SVOPL: variants seen among roughly 807,000 people sequenced by gnomAD.
The protein encoded by SVOPL is SVOP like.
SVOPL carries 60 observed loss-of-function variants against 61.0 expected under a neutral mutation model. That is an observed-to-expected ratio of 0.98 (90% confidence interval 0.80 to 1.22). The LOEUF is 1.22. Ranked by LOEUF, SVOPL falls within the 50% of genes most tolerant of loss-of-function variation. The pLI is 0.00. For synonymous variants in SVOPL, 279 were observed against 250.0 expected (o/e 1.12, Z -1.09); for missense variants, 662 against 643.9 (o/e 1.03, Z -0.30).
At chr7:138,687,777 C>T (rs1802853242) in intron 1 of SVOPL, among the ~76,000 whole-genome samples, 1 of 149,298 alleles carries the variant, frequency 6.7e-6, no homozygotes, top group Non-Finnish European at 1.5e-5. Flanking sequence ...ATAAAGAACT[C>T]TTACAACTCG....
At chr7:138,619,348 G>A (rs1272428181) in intron 14 of SVOPL, among the ~76,000 whole-genome samples, 1 of 151,850 alleles carries the variant, frequency 6.6e-6, no homozygotes, top group Admixed American at 6.6e-5. Context: ...GATTGAGGCT[G>A]CAGTGAGCCA....
chr7:138,656,801 G>T (rs1801759564), intron 6 of SVOPL, among the ~76,000 whole-genome samples: 1 of 152,160 alleles, frequency 6.6e-6, no homozygotes, highest in Admixed American at 6.5e-5. Flanking sequence ...TCTGCACTTT[G>T]GGAGGCCAAG....
At chr7:138,598,827 T>C (rs1019039005) in intron 14 of SVOPL, among the ~76,000 whole-genome samples, 1 of 152,174 alleles carries the variant, frequency 6.6e-6, no homozygotes, top group Non-Finnish European at 1.5e-5. Context: ...AAGAAAATTA[T>C]AACTCTATTA....
chr7:138,641,158 T>C lies in SVOPL; in HGVS notation c.789+3559A>G, dbSNP rs116724194. Among the ~76,000 whole-genome samples, 283 of 150,556 alleles carry C rather than the reference T, an allele frequency of 1.9e-3. 1 individual carries two copies. Among genetic ancestry groups the C allele is most frequent in the African/African-American group, 6.4e-3 (261 of 40,934 alleles). On this transcript the variant is annotated intron_variant, in intron 9 of 15. Coordinates refer to ENST00000674285, the MANE Select transcript of SVOPL (RefSeq NM_001139456.2). ...AGGCTACAGTGAGCTATGACAGTAC[T>C]ACTGCACTCCAACCGAGGTGACAGA... is the stretch of plus-strand genomic sequence containing the variant.
At chr7:138,639,822 C>T (rs955391165) in intron 9 of SVOPL, among the ~76,000 whole-genome samples, 1 of 152,084 alleles carries the variant, frequency 6.6e-6, no homozygotes, top group Non-Finnish European at 1.5e-5. Flanking sequence ...CTCCATAGCT[C>T]ACTGTAGCCT....
chr7:138,686,095 G>C (rs1468709934), intron 1 of SVOPL, among the ~76,000 whole-genome samples: 1 of 151,898 alleles, frequency 6.6e-6, no homozygotes, highest in Non-Finnish European at 1.5e-5. Flanking sequence ...CTGTCCTTTT[G>C]CCAAAACATA....
chr7:138,656,377 C>T, intron 7 of SVOPL, 71 bp downstream of exon 7: 1 of 1,469,628 alleles, frequency 6.8e-7, no homozygotes. Flanking sequence ...GCAGTATTTC[C>T]AAGGTATGCC....
intron 1 of SVOPL, 130 bp from the exon 2 acceptor site, chr7:138,679,209 C>T (rs564507875): frequency 1.5e-5 from 9 of 605,838 alleles, no homozygotes; most frequent in Non-Finnish European, 2.3e-5. Flanking sequence ...GTATTTTTAT[C>T]CTCTTTTCAC....
chr7:138,700,822 T>C (rs1266823086), intron 1 of SVOPL, among the ~76,000 whole-genome samples: 1 of 152,184 alleles, frequency 6.6e-6, no homozygotes, highest in African/African-American at 2.4e-5. Context: ...AATGGGAAAG[T>C]AATCCATGAC....
At chr7:138,663,937 AG>A (rs1802129687) in intron 4 of SVOPL, among the ~76,000 whole-genome samples, 1 of 152,022 alleles carries the variant, frequency 6.6e-6, no homozygotes, top group Non-Finnish European at 1.5e-5. Context: ...CACTCTTTAG[AG>A]GGAAGACTGA....
Position 138,603,955 on chromosome 7 carries a change from CTTTTTTTT to C in SVOPL, c.1354-7433_1354-7426del, listed in dbSNP as rs560678707. 4.6e-5 allele frequency among the ~76,000 whole-genome samples: 5 copies of C among 109,252 alleles called. No individual in the cohort carries two copies. In the Admixed American group the frequency reaches 5.1e-4, roughly 11 times the overall value. The allele number at this position is 109,252 out of a possible 152,430, so 71.7% of individuals were successfully genotyped here. ...TCTGTCTCAAAAACCTTAATTTATT[CTTTTTTTT>C]TTTTTTTTTTTTTTTCATTGAGACA... On this transcript the variant is annotated intron_variant, in intron 14 of 15. Coordinates refer to ENST00000674285, the MANE Select transcript of SVOPL (RefSeq NM_001139456.2).
In SVOPL at chr7:138,661,714, A is replaced by G. The variant is rs930623514; in HGVS notation, c.345+1360T>C. On this transcript the variant is annotated intron_variant, in intron 5 of 15. Coordinates refer to ENST00000674285, the MANE Select transcript of SVOPL (RefSeq NM_001139456.2). ...AATGTAAATTATTAGTAAATAACTT[A>G]GGAAGTGCCCCCAAATTCTTTTCTC... The G allele has an allele frequency of 1.7e-5, 15 of 861,350 alleles. No homozygotes were observed. The Admixed American group carries it at 1.9e-4, about 11-fold the overall frequency. The allele number at this position is 861,350 out of a possible 1,614,324, so 53.4% of individuals were successfully genotyped here. A position where few individuals can be genotyped will look rare whatever the true frequency, so the allele number is the denominator to read the frequency against.
intron 9 of SVOPL, 113 bp downstream of exon 9, chr7:138,644,604 C>T: frequency 1.4e-6 from 2 of 1,410,018 alleles, no homozygotes; most frequent in Non-Finnish European, 1.9e-6. Context: ...ATCGCCCTGC[C>T]TCTCAGACAG....
intron 10 of SVOPL, among the ~76,000 whole-genome samples, chr7:138,628,853 C>T (rs927953397): frequency 1.3e-5 from 2 of 152,048 alleles, no homozygotes; most frequent in Non-Finnish European, 1.5e-5. Context: ...GGTGAGGCGC[C>T]TGTTCAAGTC....
At chr7:138,658,996 C>T (rs576019329) in intron 6 of SVOPL, among the ~76,000 whole-genome samples, 6 of 151,070 alleles carry the variant, frequency 4.0e-5, no homozygotes, top group South Asian at 2.1e-4. Flanking sequence ...GAAGTGGGGT[C>T]GGACATGCCT....
intron 7 of SVOPL, among the ~76,000 whole-genome samples, chr7:138,651,894 G>T (rs894594638): frequency 6.6e-6 from 1 of 152,080 alleles, no homozygotes; most frequent in Non-Finnish European, 1.5e-5. Context: ...GAAAGGAAAA[G>T]TTGCGCATCT....
chr7:138,662,709 A>G (rs1471585233), intron 5 of SVOPL: 1 of 1,058,446 alleles, frequency 9.4e-7, no homozygotes, highest in African/African-American at 1.7e-5. Flanking sequence ...AGTAAACTGG[A>G]CGTGGTGGGG....
At chr7:138,667,636 C>T (rs1802301932) in intron 4 of SVOPL, among the ~76,000 whole-genome samples, 1 of 152,198 alleles carries the variant, frequency 6.6e-6, no homozygotes, top group South Asian at 2.1e-4. Flanking sequence ...TGGCTACCCA[C>T]CTCTTCCTAC....
intron 13 of SVOPL, among the ~76,000 whole-genome samples, chr7:138,624,757 G>GT (rs1319246343): frequency 6.6e-6 from 1 of 150,974 alleles, no homozygotes; most frequent in African/African-American, 2.4e-5. Flanking sequence ...GAGTGCAGTG[G>GT]TGCCATCAGA....
Sources: allele counts gnomAD v4.1 joint callset (sites outside exome capture counted in the v4.1 genomes callset), GRCh38; gene constraint gnomAD v4.1.1; transcripts MANE v1.5; gene names NCBI Gene and HGNC (gene_info 2026-07-23, HGNC 2026-07-21).